The following GRM8 variants were observed in gnomAD, a reference collection of about 807,000 sequenced individuals.
The protein encoded by GRM8 is glutamate metabotropic receptor 8, also known as metabotropic glutamate receptor 8.
GRM8 carries 47 observed loss-of-function variants against 87.2 expected under a neutral mutation model. The observed-to-expected ratio is 0.54, with a 90% CI of 0.43 to 0.69. The LOEUF is 0.69. Ranked by LOEUF, GRM8 falls within the 30% of genes least tolerant of loss-of-function variation. The pLI, the probability that GRM8 is intolerant of heterozygous loss-of-function variation, is 0.00. For missense variants in GRM8, 1,019 were observed against 1,139.2 expected (o/e 0.89, Z 1.52); for synonymous variants, 396 against 404.5 (o/e 0.98, Z 0.25).
intron 2 of GRM8, among the ~76,000 whole-genome samples, chr7:127,181,712 C>T (rs947472403): frequency 6.6e-6 from 1 of 152,020 alleles, no homozygotes; most frequent in Non-Finnish European, 1.5e-5. Context: ...GCCAACTGAT[C>T]TTCAACAAAG....
chr7:127,227,738 T>C (rs1424760920), intron 2 of GRM8, among the ~76,000 whole-genome samples: 1 of 152,206 alleles, frequency 6.6e-6, no homozygotes, highest in African/African-American at 2.4e-5. Context: ...TCCAGTATCC[T>C]CCTCAGAAAA....
At chr7:127,160,731 T>C (rs758594262) in intron 2 of GRM8, among the ~76,000 whole-genome samples, 1 of 151,966 alleles carries the variant, frequency 6.6e-6, no homozygotes, top group Non-Finnish European at 1.5e-5. Flanking sequence ...GGCTACAGGA[T>C]GAATTGAGGG....
intron 6 of GRM8, among the ~76,000 whole-genome samples, chr7:126,874,575 A>G (rs1476095081): frequency 6.6e-6 from 1 of 152,046 alleles, no homozygotes; most frequent in Non-Finnish European, 1.5e-5. Flanking sequence ...TTAATCCTCA[A>G]CACGACCCTG....
chr7:127,036,333 A>G (rs932132156), intron 3 of GRM8, among the ~76,000 whole-genome samples: 4 of 152,172 alleles, frequency 2.6e-5, no homozygotes, highest in African/African-American at 7.2e-5. Context: ...CCTAACAAAA[A>G]CTCTTCAGTT....
chr7:126,705,761 A>G (rs779622914), intron 7 of GRM8, among the ~76,000 whole-genome samples: 1 of 152,314 alleles, frequency 6.6e-6, no homozygotes, highest in Non-Finnish European at 1.5e-5. Context: ...GAGAGCCTCA[A>G]AATATTTAAA....
chr7:127,158,681 A>C (rs896643812), intron 2 of GRM8, among the ~76,000 whole-genome samples: 3 of 152,156 alleles, frequency 2.0e-5, no homozygotes, highest in Non-Finnish European at 4.4e-5. Context: ...ATGACAGTGG[A>C]GCCCTCATGA....
chr7:126,938,144 G>C (rs1055736490), intron 3 of GRM8, among the ~76,000 whole-genome samples: 8 of 152,142 alleles, frequency 5.3e-5, no homozygotes, highest in African/African-American at 9.7e-5. Context: ...TGGTATACAT[G>C]TTTATAAAGG....
At chr7:126,799,828 T>G (rs746019204) in intron 6 of GRM8, among the ~76,000 whole-genome samples, 1 of 152,118 alleles carries the variant, frequency 6.6e-6, no homozygotes, top group Non-Finnish European at 1.5e-5. Context: ...TCCAGTTTGC[T>G]CCCTCTAAGT....
At chr7:126,677,559 G>T (rs911795257) in intron 7 of GRM8, among the ~76,000 whole-genome samples, 17 of 152,056 alleles carry the variant, frequency 1.1e-4, no homozygotes, top group African/African-American at 4.1e-4. Context: ...CAGCAACTTG[G>T]ATGGAACTAT....
At chr7:126,587,687 G>C (rs866637634) in intron 8 of GRM8, among the ~76,000 whole-genome samples, 3 of 139,322 alleles carry the variant, frequency 2.2e-5, no homozygotes, top group Non-Finnish European at 3.1e-5. Context: ...TGGGATGGGC[G>C]GGGGGAGGGA....
At chr7:127,021,436 A>G (rs1586774104) in intron 3 of GRM8, among the ~76,000 whole-genome samples, 1 of 151,976 alleles carries the variant, frequency 6.6e-6, no homozygotes. Flanking sequence ...TTCTAATGAT[A>G]AAAGTGGCTA....
intron 3 of GRM8, among the ~76,000 whole-genome samples, chr7:126,974,954 A>AC (rs1383041743): frequency 6.7e-6 from 1 of 149,534 alleles, no homozygotes; most frequent in Non-Finnish European, 1.5e-5. Context: ...AAAAAAAAAA[A>AC]AAAAAAAAAA....
At chr7:126,545,738 C>A (rs189827411) in intron 8 of GRM8, among the ~76,000 whole-genome samples, 1 of 152,210 alleles carries the variant, frequency 6.6e-6, no homozygotes, top group East Asian at 1.9e-4. Flanking sequence ...TCCTTCATTG[C>A]TAATAAGTAG....
At chr7:126,465,123 A>G (rs1804338775) in intron 9 of GRM8, 1 of 151,746 alleles carries the variant, frequency 6.6e-6, no homozygotes, top group East Asian at 1.9e-4. Flanking sequence ...AATCAGATGA[A>G]CATATATGAC....
intron 6 of GRM8, among the ~76,000 whole-genome samples, chr7:126,829,620 G>C (rs1469387707): frequency 6.6e-6 from 1 of 151,826 alleles, no homozygotes; most frequent in Non-Finnish European, 1.5e-5. Context: ...TGGGTTTCCT[G>C]AATACAGCAC....
chr7:126,737,240 G>C (rs993833644), intron 7 of GRM8, among the ~76,000 whole-genome samples: 29 of 151,974 alleles, frequency 1.9e-4, no homozygotes, highest in Admixed American at 2.0e-4. Context: ...GTACTTGATA[G>C]ATCAGCTGGC....
chr7:127,234,685 C>A (rs1797884349), intron 2 of GRM8, among the ~76,000 whole-genome samples: 1 of 152,210 alleles, frequency 6.6e-6, no homozygotes, highest in Non-Finnish European at 1.5e-5. Context: ...CCACCCCGGG[C>A]CTCCCCGGAC....
At chr7:126,968,716 G>A (rs1810112432) in intron 3 of GRM8, among the ~76,000 whole-genome samples, 1 of 152,144 alleles carries the variant, frequency 6.6e-6, no homozygotes, top group Non-Finnish European at 1.5e-5. Context: ...AGCTTTAGCA[G>A]ATAATAATAA....
chr7:126,664,862 G>C (rs1299162480), intron 7 of GRM8, among the ~76,000 whole-genome samples: 1 of 152,042 alleles, frequency 6.6e-6, no homozygotes, highest in Non-Finnish European at 1.5e-5. Context: ...TGCAAACTAT[G>C]CATCCAACAA....
Sources: gnomAD v4.1 joint callset for allele counts (sites outside exome capture counted in the v4.1 genomes callset) on GRCh38, gnomAD v4.1.1 for gene constraint, MANE v1.5 for transcripts, NCBI Gene and HGNC (gene_info 2026-07-23, HGNC 2026-07-21) for gene names.